The following DOCK9 variants were observed in gnomAD, a reference collection of about 807,000 sequenced individuals.
DOCK9 encodes the protein dedicator of cytokinesis protein 9.
DOCK9 carries 89 observed loss-of-function variants against 263.3 expected under a neutral mutation model. The observed-to-expected ratio is 0.34, with a 90% confidence interval of 0.28 to 0.40. DOCK9 has a LOEUF of 0.40. Ranked by LOEUF, DOCK9 falls within the 10% of genes least tolerant of loss-of-function variation. DOCK9 has a pLI of 1.00. For synonymous variants in DOCK9, 976 were observed against 973.1 expected (o/e 1.00, Z -0.06); for missense variants, 2,140 against 2,603.4 (o/e 0.82, Z 3.87).
intron 1 of DOCK9, among the ~76,000 whole-genome samples, chr13:98,965,262 T>C (rs532310429): frequency 1.3e-5 from 2 of 152,286 alleles, no homozygotes; most frequent in African/African-American, 4.8e-5. Flanking sequence ...GACATGCTCT[T>C]CTGTCCCTAA....
At chr13:98,949,211 C>T (rs2057099930) in intron 2 of DOCK9, among the ~76,000 whole-genome samples, 2 of 152,152 alleles carry the variant, frequency 1.3e-5, no homozygotes, top group South Asian at 4.1e-4. Flanking sequence ...TCGCTGGGAC[C>T]ACAGGTTTGC....
chr13:98,863,814 TAATTA>T (rs1412661467), intron 30 of DOCK9, among the ~76,000 whole-genome samples: 1 of 152,204 alleles, frequency 6.6e-6, no homozygotes, highest in African/African-American at 2.4e-5. Flanking sequence ...GCATCCTACA[TAATTA>T]AATTAGTGAA....
At position 98,930,152 on chromosome 13, in the gene DOCK9, C is replaced by G. The variant is rs755362550; in HGVS notation, c.333+16G>C. On this transcript the variant is annotated intron_variant, in intron 3 of 52. Coordinates refer to ENST00000682017, the MANE Select transcript of DOCK9 (RefSeq NM_001366683.2). ...AATGACTTCAAAATGTAAATTAATG[C>G]AGGAAAGAGCCTTACCTCTGTAACA... The G allele has an allele frequency of 6.3e-7, 1 of 1,598,392 alleles. No homozygotes were observed. The highest frequency in any genetic ancestry group is 8.5e-7 in the Non-Finnish European group (1 of 1,171,540).
At chr13:98,845,888 T>C in intron 38 of DOCK9, 36 bp downstream of exon 38, 4 of 1,608,522 alleles carry the variant, frequency 2.5e-6, no homozygotes, top group Non-Finnish European at 3.4e-6. Flanking sequence ...GCACATGAGA[T>C]GGCTGGCTGT....
intron 4 of DOCK9, among the ~76,000 whole-genome samples, chr13:98,925,324 A>G (rs1386187913): frequency 1.3e-5 from 2 of 152,292 alleles, no homozygotes; most frequent in East Asian, 1.9e-4. Flanking sequence ...CAACTATTCA[A>G]TCTAAATACA....
At chr13:98,868,547 T>C (rs2094106470) in intron 27 of DOCK9, among the ~76,000 whole-genome samples, 170 bp from the exon 28 acceptor site, 1 of 152,194 alleles carries the variant, frequency 6.6e-6, no homozygotes, top group Non-Finnish European at 1.5e-5. Context: ...GAGGATCACT[T>C]GAGCCCAGGG....
chr13:98,796,335 G>A (rs897062597), intron 52 of DOCK9: 5 of 809,554 alleles, frequency 6.2e-6, no homozygotes, highest in Admixed American at 2.1e-5. Flanking sequence ...CTCCACAAAC[G>A]GCCCTGGCTT....
chr13:98,903,143 G>T, intron 10 of DOCK9, 31 bp from the exon 11 acceptor site: 1 of 1,452,438 alleles, frequency 6.9e-7, no homozygotes, highest in South Asian at 1.4e-5. Context: ...ATATAAATAA[G>T]TTATGCTCTT....
chr13:98,849,484 C>T (rs1458116442), intron 36 of DOCK9, among the ~76,000 whole-genome samples: 1 of 150,310 alleles, frequency 6.7e-6, no homozygotes, highest in African/African-American at 2.5e-5. Flanking sequence ...TAATGGGATA[C>T]AGTCTATATG....
chr13:98,990,372 G>T lies in DOCK9; in HGVS notation c.130-34821C>A, dbSNP rs371705474. Among the ~76,000 whole-genome samples the T allele has an allele frequency of 3.0e-4, 45 of 152,294 alleles. 1 individual carries two copies. The highest frequency in any genetic ancestry group is 1.1e-3 in the African/African-American group (44 of 41,548). On this transcript the variant is annotated intron_variant, in intron 1 of 32. Coordinates refer to the DOCK9 transcript ENST00000427887. ...GTATTGATATAACTTTCATGAGCTT[G>T]TCTATTCCCTGGTATAAGACTTGAA... is the stretch of plus-strand genomic sequence containing the variant.
At chr13:98,984,638 T>G (rs1878020052) in intron 1 of DOCK9, among the ~76,000 whole-genome samples, 1 of 152,168 alleles carries the variant, frequency 6.6e-6, no homozygotes, top group African/African-American at 2.4e-5. Context: ...TTTCATCACT[T>G]CTTTAGTCAG....
chr13:99,021,865 G>A (rs918269025), intron 1 of DOCK9, among the ~76,000 whole-genome samples: 3 of 151,890 alleles, frequency 2.0e-5, no homozygotes, highest in African/African-American at 2.4e-5. Context: ...TAATGCACGC[G>A]GGGCTTAAAA....
At chr13:99,041,458 G>A (rs1219659760) in intron 1 of DOCK9, among the ~76,000 whole-genome samples, 2 of 150,016 alleles carry the variant, frequency 1.3e-5, no homozygotes, top group Non-Finnish European at 3.0e-5. Flanking sequence ...ATTCCAGCCT[G>A]GGAAACAAAG....
intron 13 of DOCK9, among the ~76,000 whole-genome samples, chr13:98,899,216 C>T (rs777160254): frequency 2.6e-5 from 4 of 152,026 alleles, no homozygotes; most frequent in Admixed American, 2.0e-4. Flanking sequence ...TCAGAACGTG[C>T]GTTCTGACAA....
chr13:99,074,185 C>T (rs530903909), intron 1 of DOCK9, among the ~76,000 whole-genome samples: 7 of 152,250 alleles, frequency 4.6e-5, no homozygotes, highest in East Asian at 1.9e-4. Flanking sequence ...TCACAATGGT[C>T]CTTAAACTGG....
chr13:98,950,998 G>A (rs973571642), intron 2 of DOCK9, among the ~76,000 whole-genome samples: 3 of 152,160 alleles, frequency 2.0e-5, no homozygotes, highest in African/African-American at 4.8e-5. Context: ...TTAAACAGAG[G>A]CTCATCATGT....
In DOCK9 at chr13:98,831,412, T is replaced by C. The variant is rs768949084; in HGVS notation, c.4571A>G (p.Tyr1524Cys). The part of the protein sequence containing the change: ...SIRTEASQLL[Y>C]FLMRNNFDYT... ...ATCAAAGTTGTTCCTCATCAGGAAG[T>C]AGAGCAGCTGGGAGGCCTCCGTCCT... The change falls in exon 41 of 53, where the codon TAC (tyrosine) becomes TGC (cysteine). Residue 1524 changes from tyrosine to cysteine, a missense_variant. Tyr to Cys is a radical substitution (Grantham distance 194). Around this residue, in one of 2 missense-constraint regions of DOCK9, gnomAD observed 619 missense variants for 861.8 expected, o/e 0.72. Transcript: ENST00000682017. 3.1e-6 allele frequency: 5 copies of C among 1,603,336 alleles called. No individual in the cohort carries two copies. The highest frequency in any genetic ancestry group is 4.3e-6 in the Non-Finnish European group (5 of 1,174,778).
Position 98,925,919 on chromosome 13 carries a change from A to C in DOCK9, c.334T>G (p.Cys112Gly). 4 of 1,569,748 alleles carry C rather than the reference A, an allele frequency of 2.5e-6. No individual in the cohort carries two copies. Among genetic ancestry groups the C allele is most frequent in the Non-Finnish European group, 3.5e-6 (4 of 1,156,752 alleles). ...CAGTCAGAGTTATAGGTTTTGATGC[A>C]CTATTGAAGGGGGATTTTAAAAATA... ...EEAQSLFVTE[C>G]IKTYNSDWHL... Residue 112 changes from cysteine (C) to glycine (G), a missense_variant and splice_region_variant, in exon 4 of 53, where the codon TGC becomes GGC. Physicochemically the swap from Cys to Gly is radical, Grantham distance 159. Around this residue, in one of 2 missense-constraint regions of DOCK9, gnomAD observed 1,521 missense variants for 1,741.7 expected, o/e 0.87. Coordinates refer to ENST00000682017, the MANE Select transcript of DOCK9 (RefSeq NM_001366683.2).
intron 1 of DOCK9, among the ~76,000 whole-genome samples, chr13:99,031,147 T>C (rs1349320237): frequency 2.0e-5 from 3 of 152,242 alleles, no homozygotes; most frequent in African/African-American, 4.8e-5. Flanking sequence ...CTTATCACTT[T>C]TTAAAATTAA....
Sources: allele counts gnomAD v4.1 joint callset (sites outside exome capture counted in the v4.1 genomes callset), GRCh38; gene constraint gnomAD v4.1.1; regional missense constraint gnomAD v4.1.1; transcripts MANE v1.5; gene names NCBI Gene and HGNC (gene_info 2026-07-23, HGNC 2026-07-21).